SF3B1: variants seen among roughly 807,000 people sequenced by gnomAD.
The protein encoded by SF3B1 is splicing factor 3b subunit 1.
In SF3B1, 12 loss-of-function variants were observed where a neutral mutation model predicts 153.8. That is an observed-to-expected ratio of 0.08 (90% CI 0.05 to 0.13). The LOEUF (loss-of-function observed/expected upper bound fraction) is 0.13. Ranked by LOEUF, SF3B1 falls within the 10% of genes least tolerant of loss-of-function variation. The pLI is 1.00. For synonymous variants in SF3B1, 498 were observed against 525.2 expected, an observed-to-expected ratio of 0.95 and a Z score of 0.71; for missense variants, 513 against 1,606.1, an observed-to-expected ratio of 0.32 and a Z score of 11.63.
At chr2:197,394,653 C>T (rs2084854665) in intron 23 of SF3B1, among the ~76,000 whole-genome samples, 1 of 152,196 alleles carries the variant, frequency 6.6e-6, no homozygotes, top group Non-Finnish European at 1.5e-5. Flanking sequence ...CGCCTGTAAT[C>T]CCAGCACTTT....
At position 197,390,837 on chromosome 2, in the gene SF3B1, G is replaced by A. The variant is rs2084803529; in HGVS notation, c.*1466C>T. On this transcript the variant is annotated 3_prime_UTR_variant, in exon 25 of 25. Coordinates refer to ENST00000335508, the MANE Select transcript of SF3B1 (RefSeq NM_012433.4). ...AGGATGGTCTCGATCTCCTGACCTC[G>A]TGATCCGCCCGCCTCAGCCTCCCAA... The A allele has an allele frequency of 2.0e-5, 3 of 152,246 alleles. No individual in the cohort carries two copies. Among genetic ancestry groups the A allele is most frequent in the East Asian group, 1.9e-4 (1 of 5,182 alleles). The allele number at this position is 152,246 out of a possible 1,614,324, so 9.4% of individuals were successfully genotyped here.
chr2:197,422,402 G>C (rs1485590406), intron 2 of SF3B1, among the ~76,000 whole-genome samples: 1 of 150,278 alleles, frequency 6.7e-6, no homozygotes, highest in African/African-American at 2.4e-5. Context: ...ACCGGGGCTT[G>C]TCATGGGGTG....
In SF3B1 at chr2:197,402,155, A is replaced by G. The variant is rs779533829; in HGVS notation, c.2078-25T>C. 6.3e-7 allele frequency: 1 copy of G among 1,581,686 alleles called. No individual in the cohort carries two copies. The highest frequency in any genetic ancestry group is 8.6e-7 in the Non-Finnish European group (1 of 1,162,756). On this transcript the variant is annotated intron_variant, in intron 14 of 24. Coordinates refer to ENST00000335508, the MANE Select transcript of SF3B1 (RefSeq NM_012433.4). This position sits in a 1 kb window ranked among gnomAD's most constrained non-coding sequence, Gnocchi z 4.6. ...CCTACAAAACCAAACACAGGTTTTA[A>G]CTATGCCCCAACATTACCTAAGTTA...
intron 6 of SF3B1, 60 bp downstream of exon 6, chr2:197,416,681 T>C (rs2085152966): frequency 6.8e-7 from 1 of 1,468,096 alleles, no homozygotes. Flanking sequence ...AGCAGACTAA[T>C]ACAGTCCATA....
chr2:197,434,009 C>G (rs2085482893), intron 1 of SF3B1, among the ~76,000 whole-genome samples: 1 of 152,216 alleles, frequency 6.6e-6, no homozygotes, highest in South Asian at 2.1e-4. Context: ...ACATACACAT[C>G]TGTTTCTCCT....
At chr2:197,404,749 T>C (rs2084971678) in intron 11 of SF3B1, 2 of 173,510 alleles carry the variant, frequency 1.2e-5, no homozygotes, top group Non-Finnish European at 2.5e-5. Flanking sequence ...TGGGGAAGGC[T>C]TTCTAAATAA....
intron 23 of SF3B1, among the ~76,000 whole-genome samples, chr2:197,394,901 T>C (rs35572702): frequency 0.02 from 2,917 of 149,352 alleles, 56 homozygotes; most frequent in Non-Finnish European, 0.024. Flanking sequence ...CAAAACTCCG[T>C]CCAAAAAAAA....
chr2:197,412,613 C>T (rs1356049755), intron 6 of SF3B1, among the ~76,000 whole-genome samples: 1 of 151,746 alleles, frequency 6.6e-6, no homozygotes, highest in Non-Finnish European at 1.5e-5. Context: ...CGCTTGGCCT[C>T]CCAAAGTGCT....
chr2:197,410,119 TAATGA>T, intron 6 of SF3B1, 112 bp from the exon 7 acceptor site: 1 of 659,468 alleles, frequency 1.5e-6, no homozygotes, highest in East Asian at 2.7e-5. Flanking sequence ...GCACTATAAT[TAATGA>T]AAAGTTAGAA....
chr2:197,414,310 A>C (rs1160802611), intron 6 of SF3B1, among the ~76,000 whole-genome samples: 1 of 152,266 alleles, frequency 6.6e-6, no homozygotes, highest in Non-Finnish European at 1.5e-5. Flanking sequence ...TAAGTTTGGC[A>C]GCTATCTTAT....
At chr2:197,411,924 C>A (rs1310259087) in intron 6 of SF3B1, among the ~76,000 whole-genome samples, 1 of 151,718 alleles carries the variant, frequency 6.6e-6, no homozygotes, top group African/African-American at 2.4e-5. Flanking sequence ...GGCAAAAGCC[C>A]ATCTCTACTA....
At position 197,400,242 on chromosome 2, in the gene SF3B1, A is replaced by G. The variant is rs375088801; in HGVS notation, c.2901+10T>C. 16 of 1,612,912 alleles carry G rather than the reference A, an allele frequency of 9.9e-6. 1 individual carries two copies. The African/African-American group carries it at 2.1e-4, about 22-fold the overall frequency. On this transcript the variant is annotated intron_variant, in intron 19 of 24. Transcript: ENST00000335508. This position sits in a 1 kb window ranked among gnomAD's most constrained non-coding sequence, Gnocchi z 5.0. ...TGGGGAAGAAGTAAGAATTTGATGC[A>G]AAAGTTTACCTCTTGACAAGTCTTC...
intron 6 of SF3B1, among the ~76,000 whole-genome samples, chr2:197,413,819 T>G (rs113760861): frequency 0.011 from 1,647 of 152,040 alleles, 31 homozygotes; most frequent in African/African-American, 0.034. Flanking sequence ...GTTTTGTTTT[T>G]TTTTTTGAGA....
At chr2:197,396,456 G>C (rs2084875222) in intron 22 of SF3B1, 128 bp from the exon 23 acceptor site, 6 of 712,848 alleles carry the variant, frequency 8.4e-6, no homozygotes, top group Non-Finnish European at 1.3e-5. Context: ...TTTATAAAAT[G>C]CAATACTTTC....
At chr2:197,409,326 G>A (rs534173492) in intron 7 of SF3B1, among the ~76,000 whole-genome samples, 1 of 152,120 alleles carries the variant, frequency 6.6e-6, no homozygotes, top group Non-Finnish European at 1.5e-5. Flanking sequence ...CCTGAATCCG[G>A]GAGGTGGAGG....
intron 4 of SF3B1, 118 bp from the exon 5 acceptor site, chr2:197,418,706 T>C: frequency 2.1e-6 from 3 of 1,451,938 alleles, no homozygotes; most frequent in Non-Finnish European, 2.7e-6. Context: ...TAAATTATTT[T>C]TTGATGGAAA....
intron 2 of SF3B1, among the ~76,000 whole-genome samples, chr2:197,422,396 G>A (rs1380134658): frequency 6.6e-6 from 1 of 151,962 alleles, no homozygotes; most frequent in Non-Finnish European, 1.5e-5. Context: ...TCACACACCG[G>A]GGCTTGTCAT....
chr2:197,400,697 C>T lies in SF3B1; in HGVS notation c.2718+18G>A, dbSNP rs2084929584. On this transcript the variant is annotated intron_variant, in intron 18 of 24. Transcript: ENST00000335508. The surrounding 1 kb of genome is among the most constrained non-coding windows in gnomAD (Gnocchi z 5.0). ...AATATTAAAGTTAGTAGCAATGTGC[C>T]ATAATAGTTTTCATTACCTCTGTAG... The T allele has an allele frequency of 6.6e-7, 1 of 1,514,576 alleles. No homozygotes were observed. Among genetic ancestry groups the T allele is most frequent in the Non-Finnish European group, 9.1e-7 (1 of 1,094,058 alleles). The allele number at this position is 1,514,576 out of a possible 1,614,324, so 93.8% of individuals were successfully genotyped here.
intron 11 of SF3B1, among the ~76,000 whole-genome samples, chr2:197,404,224 T>C (rs2084964337): frequency 6.6e-6 from 1 of 152,134 alleles, no homozygotes; most frequent in African/African-American, 2.4e-5. Context: ...ACACCTGTAA[T>C]CCCAACACTT....
Sources: allele counts gnomAD v4.1 joint callset (sites outside exome capture counted in the v4.1 genomes callset), GRCh38; gene constraint gnomAD v4.1.1; non-coding constraint Gnocchi (gnomAD v3.1); transcripts MANE v1.5; gene names NCBI Gene and HGNC (gene_info 2026-07-23, HGNC 2026-07-21).